Variants in SGCZ observed in about 807,000 individuals in gnomAD.
SGCZ encodes zeta-sarcoglycan.
Under a neutral mutation model 41.3 loss-of-function variants are expected in SGCZ, and 40 were observed. The observed-to-expected ratio is 0.97, with a 90% confidence interval of 0.75 to 1.26. The LOEUF is 1.26. Ranked by LOEUF, SGCZ falls within the 50% of genes most tolerant of loss-of-function variation. The pLI is 0.00. For synonymous variants in SGCZ, 206 were observed against 137.5 expected (o/e 1.50, Z -3.49); for missense variants, 552 against 369.8 (o/e 1.49, Z -4.04).
chr8:15,011,934 T>G (rs1002858883), intron 1 of SGCZ, among the ~76,000 whole-genome samples: 3 of 152,332 alleles, frequency 2.0e-5, no homozygotes, highest in Non-Finnish European at 4.4e-5. Flanking sequence ...ACAAATATAT[T>G]ATCTAATTTT....
intron 1 of SGCZ, among the ~76,000 whole-genome samples, chr8:14,685,730 T>C (rs1808591042): frequency 2.0e-5 from 3 of 151,656 alleles, no homozygotes; most frequent in Non-Finnish European, 4.4e-5. Context: ...TTATGCAAAG[T>C]AAAATGTATG....
chr8:14,860,682 AAGAAAGAAAGAAGGAAAGAAAGAAAG>A (rs1803705520), intron 1 of SGCZ, among the ~76,000 whole-genome samples: 2 of 146,030 alleles, frequency 1.4e-5, no homozygotes, highest in African/African-American at 5.2e-5. Context: ...GAAAGAGAGA[AAGAAAGAAAGAAGGAAAGAAAGAAAG>A]AGAAAGAAAG....
intron 1 of SGCZ, among the ~76,000 whole-genome samples, chr8:14,589,126 T>C (rs1334544584): frequency 6.6e-6 from 1 of 152,132 alleles, no homozygotes; most frequent in Non-Finnish European, 1.5e-5. Context: ...ATGGCACATG[T>C]ATACATATGT....
chr8:15,083,760 T>TG (rs1805846011), intron 1 of SGCZ, among the ~76,000 whole-genome samples: 1 of 151,988 alleles, frequency 6.6e-6, no homozygotes, highest in South Asian at 2.1e-4. Context: ...TTGTTGTTGT[T>TG]TTGTCTTGTT....
intron 1 of SGCZ, among the ~76,000 whole-genome samples, chr8:14,697,672 C>T (rs866175136): frequency 2.0e-5 from 3 of 152,022 alleles, no homozygotes; most frequent in Middle Eastern, 6.8e-3. Flanking sequence ...AGAATTTCCT[C>T]ACCTTCTCAT....
intron 3 of SGCZ, among the ~76,000 whole-genome samples, chr8:14,313,356 C>G (rs1165437611): frequency 6.6e-6 from 1 of 152,196 alleles, no homozygotes; most frequent in African/African-American, 2.4e-5. Context: ...CTCGCTCTCC[C>G]AGGCTGGATC....
In SGCZ at chr8:14,589,410, A is replaced by T. The variant is rs541758604; in HGVS notation, c.40-34484T>A. Among the ~76,000 whole-genome samples the T allele has an allele frequency of 2.0e-5, 3 of 152,090 alleles. No homozygotes were observed. In the East Asian group the frequency reaches 5.8e-4, roughly 29 times the overall value. On this transcript the variant is annotated intron_variant, in intron 1 of 7. Coordinates refer to ENST00000382080, the MANE Select transcript of SGCZ (RefSeq NM_139167.4). ...ACTGAGTTAGAACTCATTTCCTAAT[A>T]ATACCAACCAAACTTAATGACATTC... is the stretch of plus-strand genomic sequence containing the variant.
At chr8:14,608,098 G>C (rs900058404) in intron 1 of SGCZ, among the ~76,000 whole-genome samples, 3 of 152,036 alleles carry the variant, frequency 2.0e-5, no homozygotes, top group African/African-American at 7.2e-5. Flanking sequence ...ATGACTTCCA[G>C]CACAACAATA....
intron 1 of SGCZ, among the ~76,000 whole-genome samples, chr8:14,577,693 T>C (rs1221210733): frequency 6.6e-6 from 1 of 152,170 alleles, no homozygotes; most frequent in Admixed American, 6.5e-5. Flanking sequence ...TGGCCCCATT[T>C]TCAATAATAA....
At chr8:14,119,120 G>A (rs1197541590) in intron 5 of SGCZ, among the ~76,000 whole-genome samples, 1 of 152,030 alleles carries the variant, frequency 6.6e-6, no homozygotes, top group African/African-American at 2.4e-5. Flanking sequence ...TACCTTGATG[G>A]GGATAGCATT....
chr8:14,566,359 C>T lies in SGCZ; in HGVS notation c.40-11433G>A, dbSNP rs559938613. On this transcript the variant is annotated intron_variant, in intron 1 of 7. Coordinates refer to ENST00000382080, the MANE Select transcript of SGCZ (RefSeq NM_139167.4). ...GCACAAACAAGGAAGTAAAAAGTGG[C>T]CGAATGGCCATCATAAGATGGGGCC... Among the ~76,000 whole-genome samples, 50 of 152,240 alleles carry T rather than the reference C, an allele frequency of 3.3e-4. 1 individual carries two copies. The highest frequency in any genetic ancestry group is 1.2e-3 in the African/African-American group (48 of 41,560).
At chr8:14,766,829 C>T (rs548999006) in intron 1 of SGCZ, among the ~76,000 whole-genome samples, 4 of 150,874 alleles carry the variant, frequency 2.7e-5, no homozygotes, top group African/African-American at 7.3e-5. Flanking sequence ...CTGCCCGCCT[C>T]GGCCTCCCAA....
intron 1 of SGCZ, among the ~76,000 whole-genome samples, chr8:14,963,361 C>T (rs1801027198): frequency 2.0e-5 from 3 of 148,434 alleles, no homozygotes; most frequent in Admixed American, 1.4e-4. Flanking sequence ...TGTTTGGAGA[C>T]AGAGTCTCAC....
chr8:14,971,285 T>C, intron 1 of SGCZ, among the ~76,000 whole-genome samples: 1 of 152,180 alleles, frequency 6.6e-6, no homozygotes, highest in East Asian at 1.9e-4. Context: ...CTTGTTTCAC[T>C]GGGTAACATC....
intron 2 of SGCZ, among the ~76,000 whole-genome samples, chr8:14,378,867 G>A (rs1342199100): frequency 1.3e-5 from 2 of 152,080 alleles, no homozygotes; most frequent in African/African-American, 2.4e-5. Context: ...GGAAAAACAA[G>A]TCATACATAT....
chr8:15,229,158 C>CTCCA (rs1801869047), intron 1 of SGCZ, among the ~76,000 whole-genome samples: 1 of 152,030 alleles, frequency 6.6e-6, no homozygotes, highest in Admixed American at 6.6e-5. Context: ...TGCCACTATA[C>CTCCA]TCCAGCCTGG....
chr8:14,131,835 G>A (rs1803050275), intron 5 of SGCZ, among the ~76,000 whole-genome samples: 1 of 152,046 alleles, frequency 6.6e-6, no homozygotes, highest in South Asian at 2.1e-4. Context: ...ACTACTGTGT[G>A]CAACTGCCTA....
intron 4 of SGCZ, among the ~76,000 whole-genome samples, chr8:14,201,347 G>C (rs1192390764): frequency 6.6e-6 from 1 of 151,990 alleles, no homozygotes; most frequent in Non-Finnish European, 1.5e-5. Context: ...TTTATATCAA[G>C]AATCACCAAA....
chr8:15,110,387 G>A (rs374976860), intron 1 of SGCZ, among the ~76,000 whole-genome samples: 9 of 152,298 alleles, frequency 5.9e-5, no homozygotes, highest in South Asian at 4.1e-4. Context: ...TCATCTGGTC[G>A]TTCCTATAAG....
Sources: gnomAD v4.1 joint callset for allele counts (sites outside exome capture counted in the v4.1 genomes callset) on GRCh38, gnomAD v4.1.1 for gene constraint, MANE v1.5 for transcripts, NCBI Gene and HGNC (gene_info 2026-07-23, HGNC 2026-07-21) for gene names.